The following SPEN variants were observed in gnomAD, a reference collection of about 807,000 sequenced individuals.
SPEN encodes the protein msx2-interacting protein.
Under a neutral mutation model 269.9 loss-of-function variants are expected in SPEN, and 18 were observed. The ratio of observed to expected loss-of-function variants is 0.07; its 90% CI spans 0.05 to 0.10. The LOEUF (loss-of-function observed/expected upper bound fraction) is 0.10. Among genes scored for constraint, SPEN ranks in the 10% least tolerant of loss-of-function variants. SPEN has a pLI of 1.00. For synonymous variants in SPEN, 1,726 were observed against 1,765.7 expected, an observed-to-expected ratio of 0.98 and a Z score of 0.56; for missense variants, 3,822 against 4,631.2, an observed-to-expected ratio of 0.83 and a Z score of 5.07.
chr1:15,871,426 C>T (rs1557738078), intron 1 of SPEN, among the ~76,000 whole-genome samples: 1 of 152,100 alleles, frequency 6.6e-6, no homozygotes, highest in African/African-American at 2.4e-5. Context: ...CTGCAATCTC[C>T]ACCTCCTGAG....
In SPEN at chr1:15,928,264, A is replaced by G; in HGVS notation, c.2024A>G (p.Asp675Gly). 6.2e-7 allele frequency: 1 copy of G among 1,614,204 alleles called. No homozygotes were observed. Among genetic ancestry groups the G allele is most frequent in the Non-Finnish European group, 8.5e-7 (1 of 1,180,038 alleles). Residue 675 changes from aspartate (D) to glycine (G), a missense_variant, in exon 11 of 15, where the codon GAT becomes GGT. Physicochemically the swap from Asp to Gly is moderately conservative, Grantham distance 94 (BLOSUM62 -1). Coordinates refer to ENST00000375759, the MANE Select transcript of SPEN (RefSeq NM_015001.3). The surrounding 1 kb of genome is among the most constrained non-coding windows in gnomAD (Gnocchi z 5.7). ...QGDYYESRYY[D>G]DPREYRDYRN... is the part of the protein sequence containing the mutation. The stretch of plus-strand genomic sequence containing the variant: ...GACTACTATGAATCACGATACTACG[A>G]TGATCCTCGGGAATACAGGGATTAC...
At chr1:15,918,248 C>T (rs763955747) in intron 6 of SPEN, among the ~76,000 whole-genome samples, 3 of 152,132 alleles carry the variant, frequency 2.0e-5, no homozygotes, top group Admixed American at 6.5e-5. Flanking sequence ...ATTTTTAAGA[C>T]GGAGTTTCAC....
chr1:15,927,107 G>T (rs1359313965), intron 10 of SPEN, among the ~76,000 whole-genome samples: 1 of 152,184 alleles, frequency 6.6e-6, no homozygotes, highest in Non-Finnish European at 1.5e-5. Context: ...GAAGTAATTG[G>T]TCTCTGTTAC....
chr1:15,875,983 A>G lies in SPEN; in HGVS notation c.405-219A>G, dbSNP rs969235782. On this transcript the variant is annotated intron_variant, in intron 2 of 14. Coordinates refer to ENST00000375759, the MANE Select transcript of SPEN (RefSeq NM_015001.3). ...GCAGAACACTAGTCATGAAAGCCCA[A>G]TATACAATGAAAACAATGATTGCTC... 3.4e-4 allele frequency among the ~76,000 whole-genome samples: 52 copies of G among 152,244 alleles called. 1 individual carries two copies. The highest frequency in any genetic ancestry group is 1.2e-3 in the African/African-American group (49 of 41,470).
chr1:15,888,515 G>C (rs1431249613), intron 3 of SPEN, among the ~76,000 whole-genome samples: 1 of 151,762 alleles, frequency 6.6e-6, no homozygotes, highest in East Asian at 1.9e-4. Flanking sequence ...GTAGAGACAG[G>C]GTTTCGCCAT....
intron 6 of SPEN, among the ~76,000 whole-genome samples, chr1:15,917,399 T>A (rs1469979061): frequency 1.3e-5 from 2 of 152,192 alleles, no homozygotes; most frequent in Admixed American, 6.5e-5. Flanking sequence ...ATACTATTAT[T>A]ATTTTTTTAG....
intron 3 of SPEN, among the ~76,000 whole-genome samples, chr1:15,891,950 A>G (rs1323912768): frequency 6.8e-6 from 1 of 147,030 alleles, no homozygotes; most frequent in African/African-American, 2.5e-5. Flanking sequence ...TTCAAATGAT[A>G]TTTTGAATAT....
In SPEN at chr1:15,933,711, C is replaced by T. The variant is rs1417390696; in HGVS notation, c.7471C>T (p.His2491Tyr). The T allele has an allele frequency of 6.2e-7, 1 of 1,614,154 alleles. No individual in the cohort carries two copies. Among genetic ancestry groups the T allele is most frequent in the South Asian group, 1.1e-5 (1 of 91,084 alleles). Residue 2491 changes from histidine to tyrosine, a missense_variant, in exon 11 of 15, where the codon CAC becomes TAC. Physicochemically the swap from His to Tyr is moderately conservative, Grantham distance 83 (BLOSUM62 2). This residue lies in a region of SPEN where 727 missense variants were observed against 737.9 expected (regional missense o/e 0.99). Transcript: ENST00000375759. This position sits in a 1 kb window ranked among gnomAD's most constrained non-coding sequence, Gnocchi z 5.7. ...TCCTGTCGCCTCTGGGGGGATCCCACACCAGAGCCCCCCTACTAAGGTGAC... is the reference window on the plus strand; with the variant it reads ...TCCTGTCGCCTCTGGGGGGATCCCATACCAGAGCCCCCCTACTAAGGTGAC... ...SPPVASGGIP[H>Y]QSPPTKVTEW...
intron 1 of SPEN, among the ~76,000 whole-genome samples, chr1:15,851,605 A>G (rs1343488697): frequency 6.6e-6 from 1 of 152,200 alleles, no homozygotes; most frequent in Non-Finnish European, 1.5e-5. Flanking sequence ...TAAGTTGCGA[A>G]TTTAGTTCTT....
intron 3 of SPEN, among the ~76,000 whole-genome samples, chr1:15,886,592 G>A (rs1341142336): frequency 2.0e-5 from 3 of 152,164 alleles, no homozygotes; most frequent in South Asian, 2.1e-4. Flanking sequence ...CAGGGTGAAC[G>A]CCCGACTGCA....
chr1:15,925,480 C>T (rs1163823043), intron 10 of SPEN, among the ~76,000 whole-genome samples: 1 of 152,084 alleles, frequency 6.6e-6, no homozygotes. Context: ...TGTCATGGGG[C>T]CCAGCAAAAT....
At chr1:15,886,626 A>C (rs2070738792) in intron 3 of SPEN, among the ~76,000 whole-genome samples, 2 of 152,128 alleles carry the variant, frequency 1.3e-5, no homozygotes, top group Admixed American at 1.3e-4. Flanking sequence ...TCTATTTTTA[A>C]TACATCTTTC....
chr1:15,900,365 C>T (rs1005095036), intron 3 of SPEN, among the ~76,000 whole-genome samples: 5 of 152,040 alleles, frequency 3.3e-5, no homozygotes, highest in African/African-American at 9.7e-5. Flanking sequence ...TGAATGGAAT[C>T]GTTTTCATTG....
At chr1:15,913,640 A>T (rs959950273) in intron 5 of SPEN, among the ~76,000 whole-genome samples, 1 of 151,668 alleles carries the variant, frequency 6.6e-6, no homozygotes, top group Non-Finnish European at 1.5e-5. Flanking sequence ...ATGCCTGTAA[A>T]CAGTTTGGGA....
Position 15,929,151 on chromosome 1 carries a change from G to A in SPEN, c.2911G>A (p.Asp971Asn). 1 of 1,614,226 alleles carries A rather than the reference G, an allele frequency of 6.2e-7. No individual in the cohort carries two copies. Among genetic ancestry groups the A allele is most frequent in the Non-Finnish European group, 8.5e-7 (1 of 1,180,038 alleles). ...RKHLKPEQPA[D>N]GVSAVDLEKL... ...GCACCTCAAGCCTGAGCAGCCTGCAGATGGGGTAAGTGCTGTGGATCTGGA... is the reference window on the plus strand; with the variant it reads ...GCACCTCAAGCCTGAGCAGCCTGCAAATGGGGTAAGTGCTGTGGATCTGGA... Residue 971 changes from aspartate to asparagine, a missense_variant, in exon 11 of 15, where the codon GAT (aspartate) becomes AAT (asparagine). Asp to Asn is a conservative substitution (Grantham distance 23). Coordinates refer to ENST00000375759, the MANE Select transcript of SPEN (RefSeq NM_015001.3). The surrounding 1 kb of genome is among the most constrained non-coding windows in gnomAD (Gnocchi z 5.8).
In SPEN at chr1:15,928,464, T is replaced by A. The variant is rs1570058120; in HGVS notation, c.2224T>A (p.Ser742Thr). The change falls in exon 11 of 15, where the codon TCT (serine) becomes ACT (threonine). Residue 742 changes from serine (S) to threonine (T), a missense_variant. Physicochemically the swap from Ser to Thr is moderately conservative, Grantham distance 58 (BLOSUM62 1). This residue lies in a region of SPEN where 572 missense variants were observed against 582.6 expected (regional missense o/e 0.98). Coordinates refer to ENST00000375759, the MANE Select transcript of SPEN (RefSeq NM_015001.3). The surrounding 1 kb of genome is among the most constrained non-coding windows in gnomAD (Gnocchi z 5.7). ...TCCACAGAGTCCTGGAGCGTCTCCC[T>A]CTCAGGCAGAGAGGTTGCCGAGTGA... ...RRPQSPGASP[S>T]QAERLPSDSE... 1 of 1,614,098 alleles carries A rather than the reference T, an allele frequency of 6.2e-7. No individual in the cohort carries two copies. Among genetic ancestry groups the A allele is most frequent in the Non-Finnish European group, 8.5e-7 (1 of 1,180,016 alleles).
At chr1:15,912,309 C>G (rs2071019698) in intron 5 of SPEN, among the ~76,000 whole-genome samples, 1 of 152,190 alleles carries the variant, frequency 6.6e-6, no homozygotes, top group Admixed American at 6.5e-5. Flanking sequence ...AGTTTATACA[C>G]TTAAGTTTGG....
In SPEN at chr1:15,848,539, C is replaced by T. The variant is rs1037472846; in HGVS notation, c.83+389C>T. ...TGCCCGGCCCGGAGCAGCCGGGACC[C>T]GAGCCCGCCCGACAGCCGGGTCCGG... is the stretch of plus-strand genomic sequence containing the variant. On this transcript the variant is annotated intron_variant, in intron 1 of 14. Transcript: ENST00000375759. This position sits in a 1 kb window ranked among gnomAD's most constrained non-coding sequence, Gnocchi z 5.1. 6.6e-6 allele frequency among the ~76,000 whole-genome samples: 1 copy of T among 152,002 alleles called. No individual in the cohort carries two copies. The highest frequency in any genetic ancestry group is 1.5e-5 in the Non-Finnish European group (1 of 67,934).
rs757565246 is a variant in SPEN at position 15,928,996 on chromosome 1, T to C, written c.2756T>C (p.Val919Ala). 9.5e-5 allele frequency: 154 copies of C among 1,614,040 alleles called. No homozygotes were observed. Among genetic ancestry groups the C allele is most frequent in the Non-Finnish European group, 1.3e-4 (153 of 1,180,032 alleles). The change falls in exon 11 of 15, where the codon GTC (valine) becomes GCC (alanine). Residue 919 changes from valine to alanine, a missense_variant. By Grantham distance (64) the Val-to-Ala change is moderately conservative. Coordinates refer to ENST00000375759, the MANE Select transcript of SPEN (RefSeq NM_015001.3). The surrounding 1 kb of genome is among the most constrained non-coding windows in gnomAD (Gnocchi z 5.7). ...KSSALDQKLQ[V>A]SQTEPAKSDL... ...TCTGCCCTGGACCAGAAACTTCAGG[T>C]CTCTCAGACGGAGCCTGCAAAATCT...
Sources: allele counts gnomAD v4.1 joint callset (sites outside exome capture counted in the v4.1 genomes callset), GRCh38; gene constraint gnomAD v4.1.1; regional missense constraint gnomAD v4.1.1; non-coding constraint Gnocchi (gnomAD v3.1); transcripts MANE v1.5; gene names NCBI Gene and HGNC (gene_info 2026-07-23, HGNC 2026-07-21).